SLC12A1: variants seen among roughly 807,000 people sequenced by gnomAD.
SLC12A1 encodes the protein Na-K-2Cl cotransporter.
SLC12A1 carries 89 observed loss-of-function variants against 130.4 expected under a neutral mutation model. The observed-to-expected ratio is 0.68, with a 90% CI of 0.58 to 0.81. The LOEUF is 0.81. SLC12A1 is among the 40% of genes least tolerant of loss of function. The pLI is 0.00. For synonymous variants in SLC12A1, 499 were observed against 460.0 expected (o/e 1.08, Z -1.09); for missense variants, 1,310 against 1,336.4 (o/e 0.98, Z 0.31).
rs192221003 is a variant in SLC12A1, at chr15:48,243,085, G to A, written c.1300+1486G>A. Among the ~76,000 whole-genome samples the A allele has an allele frequency of 7.5e-3, 1,135 of 152,188 alleles. 11 individuals carry two copies. Among genetic ancestry groups the A allele is most frequent in the African/African-American group, 0.026 (1,097 of 41,532 alleles). On this transcript the variant is annotated intron_variant, in intron 10 of 26. Transcript: ENST00000380993. ...TTCCTAGTATAGGAGAAGGACAGTCGTGGAGTCAATGCCCTGTCATTAGTA... is the reference window on the plus strand; with the variant it reads ...TTCCTAGTATAGGAGAAGGACAGTCATGGAGTCAATGCCCTGTCATTAGTA...
At chr15:48,208,471 CCTGA>C (rs1168766489) in intron 2 of SLC12A1, among the ~76,000 whole-genome samples, 1 of 152,070 alleles carries the variant, frequency 6.6e-6, no homozygotes, top group African/African-American at 2.4e-5. Context: ...CACCACCACA[CCTGA>C]CTAACTTTTT....
chr15:48,299,366 A>T, intron 25 of SLC12A1, 91 bp downstream of exon 25: 1 of 1,106,658 alleles, frequency 9.0e-7, no homozygotes. Flanking sequence ...CAATATATTT[A>T]TTATCAAATG....
intron 11 of SLC12A1, 113 bp from the exon 12 acceptor site, chr15:48,246,796 A>ACAG: frequency 1.2e-6 from 1 of 825,266 alleles, no homozygotes; most frequent in South Asian, 1.3e-5. Context: ...AACAACAACA[A>ACAG]GAAAAGGAAT....
At chr15:48,235,345 T>TAAA (rs5812439) in intron 9 of SLC12A1, 54 of 238,514 alleles carry the variant, frequency 2.3e-4, no homozygotes, top group South Asian at 5.0e-4. Context: ...CCTGTAAAAG[T>TAAA]AAAAAAAAAA....
intron 23 of SLC12A1, among the ~76,000 whole-genome samples, chr15:48,289,024 C>T (rs897272894): frequency 1.3e-5 from 2 of 151,902 alleles, no homozygotes; most frequent in African/African-American, 2.4e-5. Flanking sequence ...AGTCTCCAAA[C>T]GCATCTGGGT....
At chr15:48,265,363 A>C (rs1238127345) in intron 17 of SLC12A1, among the ~76,000 whole-genome samples, 1 of 152,228 alleles carries the variant, frequency 6.6e-6, no homozygotes, top group Admixed American at 6.5e-5. Context: ...CCAGGGGTTC[A>C]CAGTCACTGT....
At chr15:48,220,840 G>A (rs2041203147) in intron 3 of SLC12A1, 75 bp downstream of exon 3, 2 of 1,610,910 alleles carry the variant, frequency 1.2e-6, no homozygotes, top group African/African-American at 2.7e-5. Context: ...AACAAGGCCT[G>A]GGCACAGCTT....
chr15:48,243,571 C>T lies in SLC12A1; in HGVS notation c.1301-1182C>T, dbSNP rs146055814. ...CTCGGGTGGCTGAGGCAGAGAATTG[C>T]TTGAACGCAGGAGGCGGAGGTTGCA... On this transcript the variant is annotated intron_variant, in intron 10 of 26. Transcript: ENST00000380993. 3.0e-3 allele frequency among the ~76,000 whole-genome samples: 452 copies of T among 152,036 alleles called. 4 individuals carry two copies. The highest frequency in any genetic ancestry group is 0.01 in the African/African-American group (431 of 41,298).
chr15:48,250,414 T>G (rs905391758), intron 14 of SLC12A1, among the ~76,000 whole-genome samples: 1 of 152,198 alleles, frequency 6.6e-6, no homozygotes, highest in African/African-American at 2.4e-5. Flanking sequence ...AGACAAAATA[T>G]AGATGGCAGA....
rs552089628 is a variant in SLC12A1 at position 48,271,026 on chromosome 15, C to G, written c.2402+1262C>G. Among the ~76,000 whole-genome samples, 10 of 150,954 alleles carry G rather than the reference C, an allele frequency of 6.6e-5. No individual in the cohort carries two copies. In the East Asian group the frequency reaches 2.0e-3, roughly 30 times the overall value. ...ATTACCTGAGGTCAGGAGTTCCAGACCAGCCTGGCCAACATGGTGAAACCC... is the reference window on the plus strand; with the variant it reads ...ATTACCTGAGGTCAGGAGTTCCAGAGCAGCCTGGCCAACATGGTGAAACCC... On this transcript the variant is annotated intron_variant, in intron 19 of 26. Transcript: ENST00000380993.
chr15:48,259,332 G>C, intron 17 of SLC12A1, 21 bp downstream of exon 17: 1 of 1,496,120 alleles, frequency 6.7e-7, no homozygotes, highest in Non-Finnish European at 9.3e-7. Context: ...CTTCACCCCA[G>C]GGAAGTCCTT....
At position 48,235,231 on chromosome 15, in the gene SLC12A1, G is replaced by A. The variant is rs986366415; in HGVS notation, c.1215+227G>A. Reference sequence around the variant, plus strand: ...TATTCAGTGATATCAGAAGAACAGGGTAGTGTGATAGTGTGTCATATTTCC... The same window carrying A: ...TATTCAGTGATATCAGAAGAACAGGATAGTGTGATAGTGTGTCATATTTCC... On this transcript the variant is annotated intron_variant, in intron 9 of 26. Coordinates refer to ENST00000380993, the MANE Select transcript of SLC12A1 (RefSeq NM_000338.3). 4.7e-5 allele frequency: 27 copies of A among 576,848 alleles called. No homozygotes were observed. The African/African-American group carries it at 4.8e-4, about 10-fold the overall frequency. The allele number at this position is 576,848 out of a possible 1,614,324, so 35.7% of individuals were successfully genotyped here. A position where few individuals can be genotyped will look rare whatever the true frequency, so the allele number is the denominator to read the frequency against.
intron 24 of SLC12A1, among the ~76,000 whole-genome samples, chr15:48,297,767 T>G (rs1490353951): frequency 1.3e-5 from 2 of 152,116 alleles, no homozygotes; most frequent in African/African-American, 4.8e-5. Context: ...TAGCAGCCAT[T>G]GTTACTCCCC....
At chr15:48,266,192 G>A (rs1012447214) in intron 17 of SLC12A1, among the ~76,000 whole-genome samples, 1 of 152,302 alleles carries the variant, frequency 6.6e-6, no homozygotes, top group Non-Finnish European at 1.5e-5. Flanking sequence ...GACCCAGGGT[G>A]TCAGCCAGTC....
intron 24 of SLC12A1, among the ~76,000 whole-genome samples, chr15:48,292,753 C>T (rs1003156440): frequency 1.3e-5 from 2 of 152,162 alleles, no homozygotes; most frequent in African/African-American, 4.8e-5. Flanking sequence ...TATAAGGGCA[C>T]TAATCCTAAA....
chr15:48,219,227 T>G (rs2041167322), intron 2 of SLC12A1, among the ~76,000 whole-genome samples: 1 of 152,216 alleles, frequency 6.6e-6, no homozygotes, highest in South Asian at 2.1e-4. Flanking sequence ...TGGAATACTT[T>G]AAACTTTATT....
intron 17 of SLC12A1, among the ~76,000 whole-genome samples, chr15:48,261,039 T>C (rs2041768727): frequency 6.6e-6 from 1 of 152,104 alleles, no homozygotes; most frequent in South Asian, 2.1e-4. Flanking sequence ...TCCAGAGAAT[T>C]TTTTAAAATC....
intron 23 of SLC12A1, among the ~76,000 whole-genome samples, chr15:48,289,963 C>T (rs1252192049): frequency 1.3e-5 from 2 of 152,056 alleles, no homozygotes; most frequent in African/African-American, 4.8e-5. Context: ...ATATTTTTTT[C>T]TTCAATAATA....
At chr15:48,274,682 G>A (rs112411888) in intron 20 of SLC12A1, 29 bp downstream of exon 20, 9 of 1,488,090 alleles carry the variant, frequency 6.0e-6, no homozygotes, top group Non-Finnish European at 8.4e-6. Flanking sequence ...CAACCAACAA[G>A]TATTTATTGA....
Sources: gnomAD v4.1 joint callset for allele counts (sites outside exome capture counted in the v4.1 genomes callset) on GRCh38, gnomAD v4.1.1 for gene constraint, MANE v1.5 for transcripts, NCBI Gene and HGNC (gene_info 2026-07-23, HGNC 2026-07-21) for gene names.